The following AHSG variants were observed in gnomAD, a reference collection of about 807,000 sequenced individuals.
AHSG encodes alpha 2-HS glycoprotein.
Under a neutral mutation model 30.1 loss-of-function variants are expected in AHSG, and 23 were observed. That is an observed-to-expected ratio of 0.76 (90% CI 0.55 to 1.08). The LOEUF (loss-of-function observed/expected upper bound fraction) is 1.08. Ranked by LOEUF, AHSG falls within the 50% of genes least tolerant of loss-of-function variation. The probability of loss-of-function intolerance (pLI) is 0.00; values close to 1 mark genes in which losing one functional copy is unlikely to be tolerated. For missense variants in AHSG, 469 were observed against 459.5 expected (o/e 1.02, Z -0.19); for synonymous variants, 164 against 186.3 (o/e 0.88, Z 0.98).
chr3:186,613,479 C>CTCACTCCTGGGAAGAA, intron 1 of AHSG, 125 bp downstream of exon 1: 1 of 948,208 alleles, frequency 1.1e-6, no homozygotes, highest in South Asian at 1.7e-5. Context: ...GATTTCTTCC[C>CTCACTCCTGGGAAGAA]AGGAGTGAGG....
Position 186,621,127 on chromosome 3 carries a change from A to G in AHSG, c.*197A>G. On this transcript the variant is annotated 3_prime_UTR_variant, in exon 7 of 7. Transcript: ENST00000411641. ...GCAGAGTGGGTGGTGGTTATGTTTG[A>G]CAGAAGGCATTAGGTTGACAACTTG... 1.7e-6 allele frequency: 1 copy of G among 592,068 alleles called. No individual in the cohort carries two copies. The highest frequency in any genetic ancestry group is 3.0e-6 in the Non-Finnish European group (1 of 337,166). 36.7% of individuals were successfully genotyped at this position (592,068 alleles called of 1,614,324 possible). A position where few individuals can be genotyped will look rare whatever the true frequency, so the allele number is the denominator to read the frequency against.
chr3:186,617,257 G>T lies in AHSG; in HGVS notation c.480G>T (p.Val160=). 9 of 1,614,176 alleles carry T rather than the reference G, an allele frequency of 5.6e-6. No homozygotes were observed. The South Asian group carries it at 7.7e-5, about 14-fold the overall frequency. The change falls in exon 4 of 7, where the codon GTG becomes GTT. Residue 160 remains valine (V), a synonymous_variant. Coordinates refer to ENST00000411641, the MANE Select transcript of AHSG (RefSeq NM_001622.4). The part of the protein sequence containing the change: ...PLLAPLNDTR[V]VHAAKAALAA... Reference sequence around the variant, plus strand: ...TGGCCCCGCTGAACGACACCAGGGTGGTGCACGCCGCGAAAGCTGCCCTGG... The same window carrying T: ...TGGCCCCGCTGAACGACACCAGGGTTGTGCACGCCGCGAAAGCTGCCCTGG...
At chr3:186,614,186 A>G (rs1716228514) in intron 1 of AHSG, among the ~76,000 whole-genome samples, 1 of 152,242 alleles carries the variant, frequency 6.6e-6, no homozygotes, top group Non-Finnish European at 1.5e-5. Flanking sequence ...AGAGGTGGAA[A>G]GAAGCTGTCT....
At chr3:186,613,556 T>C (rs1338393903) in intron 1 of AHSG, among the ~76,000 whole-genome samples, 1 of 151,948 alleles carries the variant, frequency 6.6e-6, no homozygotes, top group East Asian at 1.9e-4. Context: ...AGGAGGGAGC[T>C]GGGTGGGGTG....
chr3:186,620,886 G>GTGGT lies in AHSG; in HGVS notation c.1062_1065dup (p.Pro356GlyfsTer16), dbSNP rs769264210. 6 of 1,614,128 alleles carry GTGGT rather than the reference G, an allele frequency of 3.7e-6. No individual in the cohort carries two copies. The highest frequency in any genetic ancestry group is 5.1e-6 in the Non-Finnish European group (6 of 1,180,024). On this transcript the variant is annotated frameshift_variant, in exon 7 of 7. Coordinates refer to ENST00000411641, the MANE Select transcript of AHSG (RefSeq NM_001622.4). LOFTEE classifies it high-confidence loss of function. ...TAGTGTTGGTGCTGCTGCTGGGCCA[G>GTGGT]TGGTTCCTCCATGTCCGGGGAGGAT...
At chr3:186,620,517 C>T in intron 6 of AHSG, 69 bp from the exon 7 acceptor site, 1 of 1,393,096 alleles carries the variant, frequency 7.2e-7, no homozygotes. Flanking sequence ...CCAGTGCCAC[C>T]TGGGCCTGTG....
intron 1 of AHSG, among the ~76,000 whole-genome samples, 194 bp from the exon 2 acceptor site, chr3:186,615,491 G>C (rs575358110): frequency 6.6e-6 from 1 of 152,342 alleles, no homozygotes; most frequent in Non-Finnish European, 1.5e-5. Context: ...ACGAAGACCA[G>C]ACAAGCCCTG....
Position 186,616,493 on chromosome 3 carries a change from T to G in AHSG, c.375T>G (p.Phe125Leu). 6.2e-7 allele frequency: 1 copy of G among 1,613,214 alleles called. No individual in the cohort carries two copies. Among genetic ancestry groups the G allele is most frequent in the South Asian group, 1.1e-5 (1 of 90,734 alleles). Residue 125 changes from phenylalanine (F) to leucine (L), a missense_variant, in exon 3 of 7, where the codon TTT becomes TTG. Coordinates refer to ENST00000411641, the MANE Select transcript of AHSG (RefSeq NM_001622.4). ...DFQLLKLDGKFSVVYAKCDSS... is the reference protein window; with the variant it reads ...DFQLLKLDGKLSVVYAKCDSS... ...AGCTGTTGAAACTAGATGGCAAGTT[T>G]TCCGTGGTATACGCAAAATGTGATT...
intron 3 of AHSG, among the ~76,000 whole-genome samples, 175 bp downstream of exon 3, chr3:186,616,702 G>C (rs1262080727): frequency 6.6e-6 from 1 of 152,218 alleles, no homozygotes; most frequent in African/African-American, 2.4e-5. Context: ...CTCTTGGCCT[G>C]GTGCGGTGGC....
At chr3:186,616,607 A>G in intron 3 of AHSG, 80 bp downstream of exon 3, 1 of 1,195,528 alleles carries the variant, frequency 8.4e-7, no homozygotes, top group Non-Finnish European at 1.2e-6. Context: ...CAACTTAAGT[A>G]GTTCTAGCAG....
At chr3:186,620,056 A>G in intron 6 of AHSG, 116 bp downstream of exon 6, 2 of 698,070 alleles carry the variant, frequency 2.9e-6, no homozygotes, top group South Asian at 2.5e-5. Flanking sequence ...TGAATCTCAC[A>G]GTATGAAATA....
chr3:186,620,830 A>G lies in AHSG; in HGVS notation c.1004A>G (p.His335Arg). The change falls in exon 7 of 7, where the codon CAC (histidine) becomes CGC (arginine). Residue 335 changes from histidine (H) to arginine (R), a missense_variant. By Grantham distance (29) the His-to-Arg change is conservative. Transcript: ENST00000411641. ...SLGSPSGEVS[H>R]PRKTRTVVQP... Reference sequence around the variant, plus strand: ...GGGTCACCCTCAGGAGAAGTGTCGCACCCCCGGAAAACACGCACAGTGGTG... The same window carrying G: ...GGGTCACCCTCAGGAGAAGTGTCGCGCCCCCGGAAAACACGCACAGTGGTG... 3 of 1,613,998 alleles carry G rather than the reference A, an allele frequency of 1.9e-6. No homozygotes were observed. Among genetic ancestry groups the G allele is most frequent in the East Asian group, 2.2e-5 (1 of 44,860 alleles).
chr3:186,619,366 T>A (rs1314727178), intron 5 of AHSG, among the ~76,000 whole-genome samples: 1 of 152,202 alleles, frequency 6.6e-6, no homozygotes, highest in Non-Finnish European at 1.5e-5. Flanking sequence ...AAATGATTTA[T>A]TATGGATATA....
At chr3:186,619,524 G>A (rs1055654008) in intron 5 of AHSG, among the ~76,000 whole-genome samples, 1 of 152,116 alleles carries the variant, frequency 6.6e-6, no homozygotes, top group African/African-American at 2.4e-5. Flanking sequence ...ATTATGGCAA[G>A]TGAAAACACA....
At chr3:186,617,788 G>T in intron 4 of AHSG, 1 of 249,294 alleles carries the variant, frequency 4.0e-6, no homozygotes, top group South Asian at 4.9e-5. Flanking sequence ...ATAATGGCAA[G>T]ATCTTAAAAT....
intron 1 of AHSG, among the ~76,000 whole-genome samples, chr3:186,614,327 T>C (rs978030306): frequency 2.0e-5 from 3 of 152,254 alleles, no homozygotes; most frequent in African/African-American, 7.2e-5. Flanking sequence ...GCCATTTTTC[T>C]ATATCAAAAG....
intron 4 of AHSG, chr3:186,618,119 A>T (rs761460705): frequency 5.6e-5 from 9 of 161,312 alleles, no homozygotes; most frequent in Non-Finnish European, 9.6e-5. Context: ...AACAGGTGGA[A>T]GAGGTATTAA....
chr3:186,617,602 C>A lies in AHSG; in HGVS notation c.573+252C>A, dbSNP rs1716350281. The A allele has an allele frequency of 9.7e-6, 6 of 620,918 alleles. No homozygotes were observed. In the South Asian group the frequency reaches 1.1e-4, roughly 12 times the overall value. The allele number at this position is 620,918 out of a possible 1,614,324, so 38.5% of individuals were successfully genotyped here. A position where few individuals can be genotyped will look rare whatever the true frequency, so the allele number is the denominator to read the frequency against. On this transcript the variant is annotated intron_variant, in intron 4 of 6. Coordinates refer to ENST00000411641, the MANE Select transcript of AHSG (RefSeq NM_001622.4). ...AACGTCCAGCAGCCACAGCTGCCGG[C>A]AGGTACATCCCCACTCCCTCCGTTC...
chr3:186,619,984 A>G (rs1404543205), intron 6 of AHSG, 44 bp downstream of exon 6: 2 of 1,466,282 alleles, frequency 1.4e-6, no homozygotes. Context: ...TCAGAATACA[A>G]TGACCCCTTC....
Sources: gnomAD v4.1 joint callset for allele counts (sites outside exome capture counted in the v4.1 genomes callset) on GRCh38, gnomAD v4.1.1 for gene constraint, MANE v1.5 for transcripts, NCBI Gene and HGNC (gene_info 2026-07-23, HGNC 2026-07-21) for gene names.